Variants in PLCG2 observed in about 807,000 individuals in gnomAD.
The protein encoded by PLCG2 is 1-phosphatidylinositol 4,5-bisphosphate phosphodiesterase gamma-2.
A neutral mutation model predicts 175.6 loss-of-function variants in PLCG2; 69 were observed. That is an observed-to-expected ratio of 0.39 (90% CI 0.32 to 0.48). The LOEUF (loss-of-function observed/expected upper bound fraction) is 0.48, where lower values mean the gene tolerates loss of function less well. Among genes scored for constraint, PLCG2 ranks in the 20% least tolerant of loss-of-function variants. The pLI, the probability that PLCG2 is intolerant of heterozygous loss-of-function variation, is 0.91. For missense variants in PLCG2, 1,798 were observed against 1,650.9 expected (o/e 1.09, Z -1.54); for synonymous variants, 827 against 624.0 (o/e 1.33, Z -4.85).
intron 10 of PLCG2, 40 bp from the exon 11 acceptor site, chr16:81,891,432 G>A (rs375262734): frequency 1.3e-5 from 14 of 1,117,202 alleles, no homozygotes; most frequent in South Asian, 4.9e-5. Context: ...CATCCTGCCC[G>A]TCAACGTGAT....
At chr16:81,844,861 G>A (rs1167366445) in intron 2 of PLCG2, among the ~76,000 whole-genome samples, 1 of 152,170 alleles carries the variant, frequency 6.6e-6, no homozygotes, top group African/African-American at 2.4e-5. Context: ...GGTCATCGAG[G>A]AGTTTTTGTC....
At chr16:81,947,858 C>T (rs900641805) in intron 31 of PLCG2, among the ~76,000 whole-genome samples, 26 of 152,144 alleles carry the variant, frequency 1.7e-4, no homozygotes, top group African/African-American at 6.3e-4. Flanking sequence ...AAGAGTCCCC[C>T]AGATAGCCTG....
intron 2 of PLCG2, among the ~76,000 whole-genome samples, chr16:81,848,938 T>A (rs998685801): frequency 3.3e-5 from 5 of 152,160 alleles, no homozygotes; most frequent in Non-Finnish European, 1.5e-5. Context: ...GAGCTGAGAC[T>A]GGAAGGGAGA....
chr16:81,945,142 G>A (rs1307982266), intron 30 of PLCG2, among the ~76,000 whole-genome samples: 2 of 152,214 alleles, frequency 1.3e-5, no homozygotes, highest in East Asian at 3.8e-4. Context: ...CTCTTCATAA[G>A]CAGCGGAAAG....
chr16:81,899,273 T>C (rs949010051), intron 13 of PLCG2, among the ~76,000 whole-genome samples: 9 of 129,814 alleles, frequency 6.9e-5, no homozygotes, highest in Non-Finnish European at 1.3e-4. Context: ...TATGTGTGTA[T>C]ATATATATAT....
chr16:81,844,919 T>C (rs890640759), intron 2 of PLCG2, among the ~76,000 whole-genome samples: 13 of 152,196 alleles, frequency 8.5e-5, no homozygotes, highest in African/African-American at 3.1e-4. Context: ...AGCAAATAAA[T>C]TGAGACACCA....
At chr16:81,789,282 G>A (rs1226101240) in intron 2 of PLCG2, among the ~76,000 whole-genome samples, 3 of 152,140 alleles carry the variant, frequency 2.0e-5, no homozygotes, top group Admixed American at 6.5e-5. Context: ...TCGCTTACGC[G>A]GATGCGCTCT....
At chr16:81,807,716 A>C (rs1191637410) in intron 2 of PLCG2, among the ~76,000 whole-genome samples, 1 of 152,210 alleles carries the variant, frequency 6.6e-6, no homozygotes, top group Non-Finnish European at 1.5e-5. Context: ...AGACTGGGTA[A>C]TATAAAAAGG....
At chr16:81,780,287 A>G (rs1253310221) in intron 1 of PLCG2, among the ~76,000 whole-genome samples, 1 of 152,118 alleles carries the variant, frequency 6.6e-6, no homozygotes, top group Non-Finnish European at 1.5e-5. Context: ...CCCCCTCTGG[A>G]TACTGGAGCC....
At chr16:81,827,714 C>T (rs1905100023) in intron 2 of PLCG2, among the ~76,000 whole-genome samples, 1 of 152,004 alleles carries the variant, frequency 6.6e-6, no homozygotes, top group Non-Finnish European at 1.5e-5. Flanking sequence ...TGGACAGATC[C>T]TACGTCATGC....
chr16:81,853,125 A>C (rs956171259), intron 2 of PLCG2, among the ~76,000 whole-genome samples: 3 of 152,052 alleles, frequency 2.0e-5, no homozygotes, highest in Admixed American at 6.5e-5. Flanking sequence ...GAGGTCAGGA[A>C]TTCAAGACCA....
chr16:81,857,383 T>C (rs1294166325), intron 3 of PLCG2, among the ~76,000 whole-genome samples: 1 of 152,198 alleles, frequency 6.6e-6, no homozygotes, highest in Non-Finnish European at 1.5e-5. Context: ...TAATGGATTC[T>C]TGTTTAAAAT....
At position 81,959,778 on chromosome 16, in the gene PLCG2, A is replaced by G. The variant is rs987052623; in HGVS notation, c.*1780A>G. ...ATTAGCCTTTGGCCAGGTAGCCACC[A>G]GAACCTATTTATTGCACCTGGCATC... On this transcript the variant is annotated 3_prime_UTR_variant, in exon 33 of 33. Coordinates refer to ENST00000564138, the MANE Select transcript of PLCG2 (RefSeq NM_002661.5). 5.4e-6 allele frequency: 1 copy of G among 184,978 alleles called. No homozygotes were observed. The highest frequency in any genetic ancestry group is 1.1e-5 in the Non-Finnish European group (1 of 87,406). 11.5% of individuals were successfully genotyped at this position (184,978 alleles called of 1,614,324 possible). A position where few individuals can be genotyped will look rare whatever the true frequency, so the allele number is the denominator to read the frequency against.
intron 1 of PLCG2, among the ~76,000 whole-genome samples, chr16:81,780,267 G>C (rs1910670519): frequency 6.6e-6 from 1 of 152,174 alleles, no homozygotes; most frequent in Non-Finnish European, 1.5e-5. Flanking sequence ...GAACCTTTTT[G>C]AGTCTGTTTC....
At chr16:81,865,598 G>T (rs1173768629) in intron 5 of PLCG2, among the ~76,000 whole-genome samples, 1 of 152,196 alleles carries the variant, frequency 6.6e-6, no homozygotes, top group Non-Finnish European at 1.5e-5. Flanking sequence ...CAGTCTCTCT[G>T]TTCCTGGACA....
At chr16:81,771,026 C>G (rs1352618194) in intron 2 of PLCG2, among the ~76,000 whole-genome samples, 1 of 149,432 alleles carries the variant, frequency 6.7e-6, no homozygotes, top group Admixed American at 6.7e-5. Flanking sequence ...CCCCTGCACT[C>G]CAGCCTTGGT....
At chr16:81,923,102 C>T (rs545144889) in intron 21 of PLCG2, among the ~76,000 whole-genome samples, 9 of 152,274 alleles carry the variant, frequency 5.9e-5, no homozygotes, top group Middle Eastern at 3.4e-3. Context: ...TTGGCTTAAT[C>T]TAAAAGGCAT....
At chr16:81,869,655 A>C (rs992433872) in intron 6 of PLCG2, among the ~76,000 whole-genome samples, 3 of 152,216 alleles carry the variant, frequency 2.0e-5, no homozygotes, top group African/African-American at 7.2e-5. Flanking sequence ...ATTATGAAAG[A>C]TTCCTTGTGT....
intron 1 of PLCG2, among the ~76,000 whole-genome samples, chr16:81,748,936 T>C (rs2143060195): frequency 6.6e-6 from 1 of 152,298 alleles, no homozygotes; most frequent in East Asian, 1.9e-4. Context: ...TGTACCTGGC[T>C]CCTTCCCTCC....
Sources: allele counts gnomAD v4.1 joint callset (sites outside exome capture counted in the v4.1 genomes callset), GRCh38; gene constraint gnomAD v4.1.1; transcripts MANE v1.5; gene names NCBI Gene and HGNC (gene_info 2026-07-23, HGNC 2026-07-21).